Variants in SOCS2 observed in about 807,000 individuals in gnomAD.
The protein encoded by SOCS2 is CIS-2.
In SOCS2, 10 loss-of-function variants were observed where a neutral mutation model predicts 18.6. The observed-to-expected ratio is 0.54, with a 90% CI of 0.33 to 0.91. The LOEUF (loss-of-function observed/expected upper bound fraction) is 0.91. Among genes scored for constraint, SOCS2 ranks in the 40% least tolerant of loss-of-function variants. SOCS2 has a pLI of 0.02. For missense variants in SOCS2, 231 were observed against 247.2 expected (o/e 0.93, Z 0.44); for synonymous variants, 104 against 104.0 (o/e 1.00, Z 0.00).
chr12:93,571,859 C>T (rs41535347), upstream of SOCS2: 4,344 of 425,268 alleles, frequency 0.01, 169 homozygotes, highest in African/African-American at 0.085. Context: ...GCCCCATGTC[C>T]GCTGAGGAGG....
the SOCS2 span, among the ~76,000 whole-genome samples, chr12:93,622,392 T>G: frequency 6.6e-6 from 1 of 152,166 alleles, no homozygotes; most frequent in Non-Finnish European, 1.5e-5. Flanking sequence ...CGGAGACTCT[T>G]GCTCCTTTAC....
the SOCS2 span, among the ~76,000 whole-genome samples, chr12:93,620,540 C>G: frequency 6.6e-6 from 1 of 152,160 alleles, no homozygotes; most frequent in African/African-American, 2.4e-5. Context: ...CTCAGCCCCC[C>G]AGTAGCTGGG....
chr12:93,599,908 C>T, the SOCS2 span, among the ~76,000 whole-genome samples: 3 of 152,180 alleles, frequency 2.0e-5, no homozygotes, highest in Admixed American at 6.5e-5. Flanking sequence ...TCATATGTTA[C>T]CCTGCCTCAG....
the SOCS2 span, among the ~76,000 whole-genome samples, chr12:93,592,578 T>G: frequency 4.6e-5 from 7 of 152,340 alleles, no homozygotes; most frequent in South Asian, 1.5e-3. Flanking sequence ...CAAATCACAT[T>G]CCCAAAAGGT....
intron 1 of SOCS2, chr12:93,582,946 A>G (rs967151559): frequency 2.0e-5 from 3 of 151,164 alleles, no homozygotes; most frequent in Non-Finnish European, 4.4e-5. Context: ...CCTCTATGCT[A>G]TAATATATTC....
chr12:93,615,727 C>T, the SOCS2 span, among the ~76,000 whole-genome samples: 1 of 152,310 alleles, frequency 6.6e-6, no homozygotes, highest in East Asian at 1.9e-4. Flanking sequence ...TCTGAAGTAG[C>T]TGGAATTACA....
the SOCS2 span, among the ~76,000 whole-genome samples, chr12:93,604,162 C>T: frequency 2.6e-5 from 4 of 151,846 alleles, no homozygotes; most frequent in African/African-American, 7.3e-5. Context: ...TTTGCTCCTA[C>T]TCTTCTGCAC....
chr12:93,574,623 G>A (rs11107112), intron 1 of SOCS2, 99 bp from the exon 2 acceptor site: 1 of 724,236 alleles, frequency 1.4e-6, no homozygotes. Context: ...TTCTTTTTTA[G>A]AGCTAAAAAA....
At chr12:93,576,919 A>G (rs1397629468), downstream of SOCS2, among the ~76,000 whole-genome samples, 8 of 152,242 alleles carry the variant, frequency 5.3e-5, no homozygotes, top group South Asian at 2.1e-4. Context: ...GGTCGGATCT[A>G]TGATGGGGCC....
chr12:93,571,978 G>T (rs535415385), upstream of SOCS2: 3 of 276,854 alleles, frequency 1.1e-5, no homozygotes, highest in South Asian at 8.2e-5. Context: ...CTCGGCCCCG[G>T]CCTCGCCTCG....
At chr12:93,600,134 C>T in the SOCS2 span, among the ~76,000 whole-genome samples, 1 of 151,606 alleles carries the variant, frequency 6.6e-6, no homozygotes, top group Non-Finnish European at 1.5e-5. Context: ...TTGAATTCAC[C>T]TGAAAAAAAA....
chr12:93,607,284 G>A, the SOCS2 span, among the ~76,000 whole-genome samples: 1 of 152,154 alleles, frequency 6.6e-6, no homozygotes, highest in African/African-American at 2.4e-5. Flanking sequence ...ATTGAAACCA[G>A]CTTTTGCTTT....
At chr12:93,600,965 A>AT in the SOCS2 span, among the ~76,000 whole-genome samples, 2 of 151,240 alleles carry the variant, frequency 1.3e-5, no homozygotes, top group Admixed American at 6.6e-5. Context: ...ATTTTTTTAA[A>AT]TTTTTTGTAG....
chr12:93,585,159 A>G (rs1273814080), downstream of SOCS2, among the ~76,000 whole-genome samples: 5 of 151,744 alleles, frequency 3.3e-5, no homozygotes, highest in Non-Finnish European at 7.4e-5. Context: ...CTGGAGGTAA[A>G]TTTTATAAAT....
downstream of SOCS2, among the ~76,000 whole-genome samples, chr12:93,584,182 CA>C (rs1414917513): frequency 6.6e-6 from 1 of 152,192 alleles, no homozygotes; most frequent in Non-Finnish European, 1.5e-5. Context: ...TGGTTAACAT[CA>C]GGTTACTCCA....
the SOCS2 span, among the ~76,000 whole-genome samples, chr12:93,592,953 TATC>T: frequency 2.2e-5 from 3 of 139,518 alleles, no homozygotes; most frequent in African/African-American, 8.2e-5. Flanking sequence ...TGTGTAATAA[TATC>T]ATCTTCAATT....
the SOCS2 span, among the ~76,000 whole-genome samples, chr12:93,616,280 T>C: frequency 6.6e-6 from 1 of 152,226 alleles, no homozygotes; most frequent in Non-Finnish European, 1.5e-5. Context: ...CTTGAGACTG[T>C]AGACAGCCAT....
chr12:93,590,622 T>G, the SOCS2 span, among the ~76,000 whole-genome samples: 1 of 150,844 alleles, frequency 6.6e-6, no homozygotes. Context: ...TGGTGAAACC[T>G]GTCTCTACTA....
the SOCS2 span, among the ~76,000 whole-genome samples, chr12:93,590,030 G>A: frequency 6.6e-6 from 1 of 152,068 alleles, no homozygotes; most frequent in Non-Finnish European, 1.5e-5. Flanking sequence ...AAGGTGAGCG[G>A]ATCATGAGGT....
Sources: allele counts gnomAD v4.1 joint callset (sites outside exome capture counted in the v4.1 genomes callset), GRCh38; gene constraint gnomAD v4.1.1; transcripts MANE v1.5; gene names NCBI Gene and HGNC (gene_info 2026-07-23, HGNC 2026-07-21).